Variants in PLCB1 observed in about 807,000 individuals in gnomAD.
PLCB1 encodes the protein 1-phosphatidylinositol 4,5-bisphosphate phosphodiesterase beta-1.
Under a neutral mutation model 161.8 loss-of-function variants are expected in PLCB1, and 46 were observed. The observed-to-expected ratio is 0.28, with a 90% confidence interval of 0.22 to 0.36. PLCB1 has a LOEUF of 0.36. Ranked by LOEUF, PLCB1 falls within the 10% of genes least tolerant of loss-of-function variation. The probability of loss-of-function intolerance (pLI) is 1.00; values close to 1 mark genes in which losing one functional copy is unlikely to be tolerated. For missense variants in PLCB1, 1,016 were observed against 1,472.5 expected (o/e 0.69, Z 5.07); for synonymous variants, 517 against 503.7 (o/e 1.03, Z -0.35).
At chr20:8,558,600 A>T (rs1986041805) in intron 3 of PLCB1, among the ~76,000 whole-genome samples, 1 of 151,832 alleles carries the variant, frequency 6.6e-6, no homozygotes, top group African/African-American at 2.4e-5. Flanking sequence ...GATGAACTCC[A>T]GGTAGGATAA....
Position 8,132,774 on chromosome 20 carries a change from CG to C in PLCB1, c.99+28del, listed in dbSNP as rs1239421887. Reference sequence around the variant, plus strand: ...ATGTAAGTATTGGGGCGGCCCGAGTCGGGGCGCTGGCTCGGGCACCGGGCAG... The same window carrying C: ...ATGTAAGTATTGGGGCGGCCCGAGTCGGGCGCTGGCTCGGGCACCGGGCAG... On this transcript the variant is annotated intron_variant, in intron 1 of 31. Transcript: ENST00000338037. This position sits in a 1 kb window ranked among gnomAD's most constrained non-coding sequence, Gnocchi z 5.2. 4 of 1,540,554 alleles carry C rather than the reference CG, an allele frequency of 2.6e-6. No homozygotes were observed. The African/African-American group carries it at 4.1e-5, about 16-fold the overall frequency.
intron 1 of PLCB1, among the ~76,000 whole-genome samples, chr20:8,139,362 C>T (rs2051380926): frequency 6.6e-6 from 1 of 152,072 alleles, no homozygotes; most frequent in South Asian, 2.1e-4. Context: ...TCCCAAAGTG[C>T]TAGGATTACA....
At chr20:8,316,720 C>A (rs2662995) in intron 2 of PLCB1, among the ~76,000 whole-genome samples, 5,907 of 152,080 alleles carry the variant, frequency 0.039, 379 homozygotes, top group African/African-American at 0.13. Context: ...TGAAAGAGAT[C>A]AAAATTTGGG....
At chr20:8,492,675 TA>T (rs2122780890) in intron 3 of PLCB1, among the ~76,000 whole-genome samples, 1 of 152,222 alleles carries the variant, frequency 6.6e-6, no homozygotes, top group African/African-American at 2.4e-5. Flanking sequence ...GCCTAAGTGA[TA>T]ATGTAAACAT....
At chr20:8,837,936 C>A (rs1204487984) in intron 31 of PLCB1, among the ~76,000 whole-genome samples, 1 of 152,176 alleles carries the variant, frequency 6.6e-6, no homozygotes, top group Non-Finnish European at 1.5e-5. Flanking sequence ...TGGAGTCAGG[C>A]AGCAACCAAA....
intron 10 of PLCB1, among the ~76,000 whole-genome samples, chr20:8,688,544 G>A (rs1400360277): frequency 2.6e-5 from 4 of 152,128 alleles, no homozygotes; most frequent in Non-Finnish European, 5.9e-5. Flanking sequence ...TGAGGATCCA[G>A]TTTCATTTTC....
intron 2 of PLCB1, among the ~76,000 whole-genome samples, chr20:8,325,403 A>C (rs1178300692): frequency 6.6e-6 from 1 of 152,182 alleles, no homozygotes; most frequent in Non-Finnish European, 1.5e-5. Flanking sequence ...ATATTTTAAT[A>C]AGCAACATTT....
At chr20:8,468,749 A>C (rs1489392486) in intron 3 of PLCB1, among the ~76,000 whole-genome samples, 1 of 152,120 alleles carries the variant, frequency 6.6e-6, no homozygotes, top group East Asian at 1.9e-4. Flanking sequence ...GTAACTCTTT[A>C]TGTTTAAAAG....
intron 9 of PLCB1, among the ~76,000 whole-genome samples, chr20:8,679,625 G>C (rs764356634): frequency 1.7e-4 from 26 of 152,252 alleles, no homozygotes; most frequent in African/African-American, 6.0e-4. Flanking sequence ...GACATCTTTA[G>C]GAGCATTGTT....
At chr20:8,812,711 A>C (rs991971452) in intron 31 of PLCB1, among the ~76,000 whole-genome samples, 1 of 152,086 alleles carries the variant, frequency 6.6e-6, no homozygotes, top group Non-Finnish European at 1.5e-5. Flanking sequence ...AGATTTACCC[A>C]CCATTTGGGA....
intron 2 of PLCB1, among the ~76,000 whole-genome samples, chr20:8,218,572 T>C (rs999598648): frequency 1.3e-5 from 2 of 152,022 alleles, no homozygotes; most frequent in Admixed American, 1.3e-4. Context: ...AGAGCTATTT[T>C]GAAGATTAAA....
chr20:8,143,751 AG>A (rs1370768648), intron 1 of PLCB1, among the ~76,000 whole-genome samples: 2 of 152,152 alleles, frequency 1.3e-5, no homozygotes, highest in Non-Finnish European at 2.9e-5. Context: ...AGCACAGGAG[AG>A]TGTGGCTCAG....
chr20:8,587,879 T>A (rs938780424), intron 3 of PLCB1, among the ~76,000 whole-genome samples: 1 of 152,144 alleles, frequency 6.6e-6, no homozygotes, highest in Non-Finnish European at 1.5e-5. Context: ...CTACAGTACA[T>A]AACTGTAAAA....
In PLCB1 at chr20:8,331,703, AATG is replaced by A. The variant is rs566918652; in HGVS notation, c.178-39677_178-39675del. ...TGGTGTTATTTTGTTTTATTAAAGA[AATG>A]AGGGCAAATGCTCATAGAAGGTGGA... On this transcript the variant is annotated intron_variant, in intron 2 of 31. Coordinates refer to ENST00000338037, the MANE Select transcript of PLCB1 (RefSeq NM_015192.4). Among the ~76,000 whole-genome samples, 80 of 152,326 alleles carry A rather than the reference AATG, an allele frequency of 5.3e-4. 1 individual carries two copies. The highest frequency in any genetic ancestry group is 1.8e-3 in the African/African-American group (75 of 41,570).
At chr20:8,571,130 A>T (rs1986496847) in intron 3 of PLCB1, among the ~76,000 whole-genome samples, 1 of 152,224 alleles carries the variant, frequency 6.6e-6, no homozygotes, top group Admixed American at 6.5e-5. Flanking sequence ...AAGGAGACTC[A>T]TTTGAATGTT....
chr20:8,261,865 CCAT>C (rs1193674381), intron 2 of PLCB1, among the ~76,000 whole-genome samples: 1 of 152,068 alleles, frequency 6.6e-6, no homozygotes, highest in African/African-American at 2.4e-5. Flanking sequence ...GAAATAAAGT[CCAT>C]CAGACACACA....
At chr20:8,203,279 G>A (rs1978345744) in intron 2 of PLCB1, among the ~76,000 whole-genome samples, 1 of 152,166 alleles carries the variant, frequency 6.6e-6, no homozygotes, top group African/African-American at 2.4e-5. Context: ...CAAATTTAAT[G>A]TGGGAAATAA....
chr20:8,621,852 G>A (rs928449227), intron 3 of PLCB1, among the ~76,000 whole-genome samples: 1 of 152,188 alleles, frequency 6.6e-6, no homozygotes, highest in Admixed American at 6.5e-5. Context: ...AGCACCTCAT[G>A]TGAAATTGGA....
chr20:8,532,855 A>T (rs1179840238), intron 3 of PLCB1, among the ~76,000 whole-genome samples: 1 of 151,824 alleles, frequency 6.6e-6, no homozygotes, highest in African/African-American at 2.4e-5. Flanking sequence ...CTTCCTTTTT[A>T]TTTTATTTTA....
Sources: gnomAD v4.1 joint callset for allele counts (sites outside exome capture counted in the v4.1 genomes callset) on GRCh38, gnomAD v4.1.1 for gene constraint, Gnocchi (gnomAD v3.1) non-coding constraint, MANE v1.5 for transcripts, NCBI Gene and HGNC (gene_info 2026-07-23, HGNC 2026-07-21) for gene names.